SPRY3: variants seen among roughly 807,000 people sequenced by gnomAD.
SPRY3 encodes the protein sprouty RTK signaling antagonist 3.
SPRY3 carries 15 observed loss-of-function variants against 20.2 expected under a neutral mutation model. The observed-to-expected ratio is 0.74, with a 90% CI of 0.50 to 1.14. The LOEUF is 1.14. Among genes scored for constraint, SPRY3 ranks in the 50% most tolerant of loss-of-function variants. SPRY3 has a pLI of 0.00. For synonymous variants in SPRY3, 143 were observed against 136.5 expected (o/e 1.05, Z -0.33); for missense variants, 364 against 363.9 (o/e 1.00, Z 0.00).
chrX:155,698,032 G>C (rs1316792605), intron 2 of SPRY3, among the ~76,000 whole-genome samples: 3 of 110,700 alleles, frequency 2.7e-5, no homozygotes, highest in Admixed American at 9.7e-5. Context: ...TTGTTTAGCA[G>C]CCTGACAATG....
At chrX:155,658,175 G>T (rs1272765872) in intron 2 of SPRY3, among the ~76,000 whole-genome samples, 1 of 111,441 alleles carries the variant, frequency 9.0e-6, no homozygotes, top group Non-Finnish European at 1.9e-5. Flanking sequence ...GGCTATTTGG[G>T]CTCTTTTTTG....
chrX:155,737,779 G>A (rs1371379809), intron 2 of SPRY3, among the ~76,000 whole-genome samples: 1 of 152,072 alleles, frequency 6.6e-6, no homozygotes, highest in Non-Finnish European at 1.5e-5. Flanking sequence ...AAGGAGTTTA[G>A]AATTTATCCT....
chrX:155,768,951 A>T (rs1011510393), intron 3 of SPRY3, among the ~76,000 whole-genome samples: 6 of 152,218 alleles, frequency 3.9e-5, no homozygotes, highest in Admixed American at 1.3e-4. Flanking sequence ...AATGGAAACT[A>T]TTGTTGCTTT....
intron 1 of SPRY3, 92 bp downstream of exon 1, chrX:155,612,739 A>G (rs1557348486): frequency 3.6e-5 from 4 of 111,892 alleles, no homozygotes; most frequent in Non-Finnish European, 7.5e-5. Context: ...GGGTAAACCC[A>G]CCCGTAGCAC....
rs752231169 is a variant in SPRY3 at position 155,707,358 on chromosome X, A to T, written c.-282+50333A>T. The stretch of plus-strand genomic sequence containing the variant: ...TGTCAGAGAACATAGATTTGTTTTG[A>T]ACCTTTTGAATTTATTGAGACTTGG... On this transcript the variant is annotated intron_variant, in intron 2 of 3. Transcript: ENST00000675360. Among the ~76,000 whole-genome samples, 13 of 151,208 alleles carry T rather than the reference A, an allele frequency of 8.6e-5. 1 individual carries two copies. The South Asian group carries it at 2.7e-3, about 31-fold the overall frequency.
intron 2 of SPRY3, among the ~76,000 whole-genome samples, chrX:155,750,302 G>C (rs1749717713): frequency 6.6e-6 from 1 of 151,894 alleles, no homozygotes; most frequent in Admixed American, 6.6e-5. Flanking sequence ...GAGTGTAAGG[G>C]TTGAAAAACT....
chrX:155,685,846 C>T (rs780407114), intron 2 of SPRY3, among the ~76,000 whole-genome samples: 33 of 111,366 alleles, frequency 3.0e-4, no homozygotes, highest in African/African-American at 9.5e-4. Flanking sequence ...CAGCTGACTG[C>T]AACCTCCACC....
chrX:155,746,165 C>A (rs1422198754), intron 2 of SPRY3, among the ~76,000 whole-genome samples: 1 of 120,762 alleles, frequency 8.3e-6, no homozygotes, highest in Non-Finnish European at 1.6e-5. Flanking sequence ...TAAGAAAATT[C>A]TTCTCTTTTC....
chrX:155,748,695 A>G (rs1448339127), intron 2 of SPRY3, among the ~76,000 whole-genome samples: 1 of 151,864 alleles, frequency 6.6e-6, no homozygotes, highest in African/African-American at 2.4e-5. Flanking sequence ...TACCTCATGG[A>G]ATGTCTGACT....
chrX:155,733,763 T>C (rs967009339), intron 2 of SPRY3, among the ~76,000 whole-genome samples: 2 of 152,132 alleles, frequency 1.3e-5, no homozygotes, highest in Non-Finnish European at 2.9e-5. Context: ...TATTGCTTAG[T>C]GTAGCCACCT....
At chrX:155,615,843 A>C (rs1476575488) in intron 1 of SPRY3, among the ~76,000 whole-genome samples, 68 of 111,417 alleles carry the variant, frequency 6.1e-4, no homozygotes, top group East Asian at 5.7e-4. Context: ...CTATACAATT[A>C]ATTTTGCAGT....
At chrX:155,673,035 A>G (rs2068047379) in intron 2 of SPRY3, among the ~76,000 whole-genome samples, 1 of 66,117 alleles carries the variant, frequency 1.5e-5, no homozygotes, top group East Asian at 5.8e-4. Context: ...TGGACACAGG[A>G]AGGGGAACAT....
At chrX:155,780,062 G>A (rs1361037324), downstream of SPRY3, 2 of 166,964 alleles carry the variant, frequency 1.2e-5, no homozygotes, top group African/African-American at 2.4e-5. Flanking sequence ...GAATGACACT[G>A]ACTAATGTTA....
At chrX:155,712,651 T>A (rs1347281367) in intron 2 of SPRY3, among the ~76,000 whole-genome samples, 2 of 152,012 alleles carry the variant, frequency 1.3e-5, no homozygotes, top group Non-Finnish European at 2.9e-5. Flanking sequence ...TTCTGTTTTT[T>A]AATTGGAGAG....
chrX:155,711,250 T>A (rs999565544), intron 2 of SPRY3, among the ~76,000 whole-genome samples: 1 of 151,768 alleles, frequency 6.6e-6, no homozygotes, highest in African/African-American at 2.4e-5. Context: ...TCTTTGAATG[T>A]TTGGTAGAAT....
At chrX:155,694,865 T>C (rs1048408716) in intron 2 of SPRY3, among the ~76,000 whole-genome samples, 7 of 110,654 alleles carry the variant, frequency 6.3e-5, no homozygotes, top group Non-Finnish European at 1.1e-4. Context: ...CGATGGGGAG[T>C]GGCTGTAAAT....
At chrX:155,695,010 A>G (rs1157401989) in intron 2 of SPRY3, among the ~76,000 whole-genome samples, 2 of 111,750 alleles carry the variant, frequency 1.8e-5, no homozygotes, top group African/African-American at 3.3e-5. Flanking sequence ...TCTCATACAT[A>G]TTAAAACTAT....
chrX:155,660,155 C>A (rs111970912), intron 2 of SPRY3, among the ~76,000 whole-genome samples: 3,804 of 111,334 alleles, frequency 0.034, 84 homozygotes, highest in Non-Finnish European at 0.055. Flanking sequence ...TGAATGTAGG[C>A]ATTTAATACT....
intron 2 of SPRY3, among the ~76,000 whole-genome samples, chrX:155,725,016 T>A (rs766353132): frequency 3.9e-4 from 60 of 152,164 alleles, no homozygotes; most frequent in Non-Finnish European, 6.6e-4. Context: ...TTATTGAGAG[T>A]TTTTAGCATG....
Sources: allele counts gnomAD v4.1 joint callset (sites outside exome capture counted in the v4.1 genomes callset), GRCh38; gene constraint gnomAD v4.1.1; transcripts MANE v1.5; gene names NCBI Gene and HGNC (gene_info 2026-07-23, HGNC 2026-07-21).